The following TENM2 variants were observed in gnomAD, a reference collection of about 807,000 sequenced individuals.
TENM2 encodes teneurin-2.
A neutral mutation model predicts 245.2 loss-of-function variants in TENM2; 52 were observed. The observed-to-expected ratio is 0.21, with a 90% CI of 0.17 to 0.27. The LOEUF (loss-of-function observed/expected upper bound fraction) is 0.27, where lower values mean the gene tolerates loss of function less well. Among genes scored for constraint, TENM2 ranks in the 10% least tolerant of loss-of-function variants. TENM2 has a pLI of 1.00. For synonymous variants in TENM2, 1,363 were observed against 1,438.9 expected (o/e 0.95, Z 1.19); for missense variants, 3,046 against 3,666.8 (o/e 0.83, Z 4.37).
chr5:168,127,387 G>A (rs1014150600), intron 12 of TENM2, among the ~76,000 whole-genome samples: 2 of 152,206 alleles, frequency 1.3e-5, no homozygotes, highest in East Asian at 1.9e-4. Flanking sequence ...CAGGTTAGAC[G>A]CAGGCAGGAC....
intron 2 of TENM2, among the ~76,000 whole-genome samples, chr5:167,445,567 G>A (rs1189661167): frequency 2.6e-5 from 4 of 152,018 alleles, no homozygotes; most frequent in African/African-American, 9.7e-5. Flanking sequence ...GTTTTAAATG[G>A]AACTTGTACA....
At chr5:167,380,490 G>T (rs553532297) in intron 2 of TENM2, among the ~76,000 whole-genome samples, 6 of 152,212 alleles carry the variant, frequency 3.9e-5, no homozygotes, top group African/African-American at 1.4e-4. Flanking sequence ...TTTCAGTACT[G>T]CACTTTCCAG....
chr5:167,001,365 T>C, the TENM2 span, among the ~76,000 whole-genome samples: 1 of 152,148 alleles, frequency 6.6e-6, no homozygotes. Context: ...ATTTCATGTT[T>C]CTTATTCTCA....
chr5:167,727,469 C>T (rs1760107552), intron 2 of TENM2, among the ~76,000 whole-genome samples: 1 of 152,172 alleles, frequency 6.6e-6, no homozygotes, highest in African/African-American at 2.4e-5. Flanking sequence ...CCCTAGGCAT[C>T]TACTGAGTCC....
chr5:167,824,365 G>A (rs1015997193), intron 2 of TENM2, among the ~76,000 whole-genome samples: 3 of 152,234 alleles, frequency 2.0e-5, no homozygotes, highest in African/African-American at 7.2e-5. Context: ...TGCCATGAGG[G>A]CTGAGAGAGG....
At chr5:167,455,676 C>T (rs1261651890) in intron 2 of TENM2, among the ~76,000 whole-genome samples, 2 of 152,058 alleles carry the variant, frequency 1.3e-5, no homozygotes, top group African/African-American at 2.4e-5. Flanking sequence ...TCATTTGGCT[C>T]TTGCTTTTAA....
the TENM2 span, among the ~76,000 whole-genome samples, chr5:167,038,339 C>T: frequency 6.6e-6 from 1 of 152,070 alleles, no homozygotes; most frequent in South Asian, 2.1e-4. Context: ...GCATCAGAAA[C>T]CAGGGCAACA....
the TENM2 span, among the ~76,000 whole-genome samples, chr5:167,060,969 T>C: frequency 2.6e-5 from 4 of 152,050 alleles, no homozygotes; most frequent in Non-Finnish European, 5.9e-5. Context: ...ACTTACAGAA[T>C]TAGAATATTT....
chr5:167,549,900 G>A (rs941043741), intron 2 of TENM2, among the ~76,000 whole-genome samples: 4 of 152,064 alleles, frequency 2.6e-5, no homozygotes, highest in Admixed American at 6.6e-5. Context: ...CATCTTCCCT[G>A]AGTAATTTCA....
the TENM2 span, among the ~76,000 whole-genome samples, chr5:167,102,735 T>A: frequency 6.6e-6 from 1 of 152,262 alleles, no homozygotes; most frequent in Non-Finnish European, 1.5e-5. Context: ...CTCAGCTCAG[T>A]GCAACCTCCG....
intron 2 of TENM2, among the ~76,000 whole-genome samples, chr5:167,808,448 C>T (rs1184106417): frequency 6.6e-6 from 1 of 152,000 alleles, no homozygotes; most frequent in Non-Finnish European, 1.5e-5. Context: ...TTAGTAGAGA[C>T]GGGGTTTTGC....
chr5:167,024,345 T>A, the TENM2 span, among the ~76,000 whole-genome samples: 11 of 152,234 alleles, frequency 7.2e-5, no homozygotes, highest in African/African-American at 2.7e-4. Context: ...GTGCCCTTGT[T>A]TGCTGGTCAC....
chr5:167,006,593 C>A, the TENM2 span, among the ~76,000 whole-genome samples: 2 of 152,068 alleles, frequency 1.3e-5, no homozygotes, highest in Non-Finnish European at 2.9e-5. Context: ...GGGGGTATAG[C>A]TATATGATAT....
intron 1 of TENM2, chr5:167,287,211 A>C (rs1277744967): frequency 1.3e-5 from 2 of 152,242 alleles, no homozygotes; most frequent in Admixed American, 1.3e-4. Context: ...ATTTAAGGAG[A>C]GGAGGAACAG....
In TENM2 at chr5:167,925,649, G is replaced by T. The variant is rs143786260; in HGVS notation, c.713-26939G>T. ...AAATCATTTTATCATAAAGAGGCAC[G>T]CACATAAATGTTCATCGCAGCACTA... On this transcript the variant is annotated intron_variant, in intron 3 of 28. Transcript: ENST00000518659. Among the ~76,000 whole-genome samples the T allele has an allele frequency of 1.4e-3, 216 of 152,162 alleles. 1 individual carries two copies. The highest frequency in any genetic ancestry group is 5.1e-3 in the African/African-American group (210 of 41,516).
At chr5:167,861,051 TTAA>T (rs1435749272) in intron 2 of TENM2, among the ~76,000 whole-genome samples, 1 of 25,360 alleles carries the variant, frequency 3.9e-5, no homozygotes, top group Non-Finnish European at 1.2e-4. Context: ...AAAAAAAAAA[TTAA>T]AAAAAAAAAA....
At chr5:167,823,441 C>G (rs1347205455) in intron 2 of TENM2, among the ~76,000 whole-genome samples, 1 of 152,146 alleles carries the variant, frequency 6.6e-6, no homozygotes, top group Non-Finnish European at 1.5e-5. Flanking sequence ...AAACCCTTCC[C>G]CTCACCCCCC....
At chr5:167,722,560 C>A (rs965764073) in intron 2 of TENM2, among the ~76,000 whole-genome samples, 1 of 151,982 alleles carries the variant, frequency 6.6e-6, no homozygotes, top group Non-Finnish European at 1.5e-5. Context: ...CAGATCATGA[C>A]GTCAGGAGAT....
At chr5:168,078,801 G>A (rs1194464942) in intron 7 of TENM2, among the ~76,000 whole-genome samples, 1 of 152,172 alleles carries the variant, frequency 6.6e-6, no homozygotes, top group Admixed American at 6.5e-5. Context: ...CTCTGTTTTG[G>A]TACCAGTACC....
Sources: gnomAD v4.1 joint callset for allele counts (sites outside exome capture counted in the v4.1 genomes callset) on GRCh38, gnomAD v4.1.1 for gene constraint, MANE v1.5 for transcripts, NCBI Gene and HGNC (gene_info 2026-07-23, HGNC 2026-07-21) for gene names.